Variants in PEPD observed in about 807,000 individuals in gnomAD.
PEPD encodes peptidase D.
A neutral mutation model predicts 60.7 loss-of-function variants in PEPD; 53 were observed. That is an observed-to-expected ratio of 0.87 (90% CI 0.70 to 1.10). PEPD has a LOEUF of 1.10. Ranked by LOEUF, PEPD falls within the 50% of genes least tolerant of loss-of-function variation. The pLI, the probability that PEPD is intolerant of heterozygous loss-of-function variation, is 0.00. For synonymous variants in PEPD, 267 were observed against 284.1 expected, an observed-to-expected ratio of 0.94 and a Z score of 0.60; for missense variants, 711 against 711.9, an observed-to-expected ratio of 1.00 and a Z score of 0.01.
intron 9 of PEPD, among the ~76,000 whole-genome samples, chr19:33,451,250 T>C (rs1050837425): frequency 2.6e-5 from 4 of 152,254 alleles, no homozygotes; most frequent in African/African-American, 9.6e-5. Flanking sequence ...AGCCCCACTT[T>C]AGGGCTTGCC....
intron 11 of PEPD, among the ~76,000 whole-genome samples, chr19:33,408,288 C>T (rs1343516946): frequency 6.6e-6 from 1 of 152,256 alleles, no homozygotes; most frequent in Non-Finnish European, 1.5e-5. Flanking sequence ...TGCTGCAGAA[C>T]CAGCTGCTGG....
At chr19:33,472,233 C>A (rs1425973525) in intron 7 of PEPD, among the ~76,000 whole-genome samples, 1 of 151,552 alleles carries the variant, frequency 6.6e-6, no homozygotes, top group African/African-American at 2.4e-5. Context: ...GAGGCTGAGG[C>A]GGGAGGATGA....
At chr19:33,503,426 T>A (rs1970746397) in intron 3 of PEPD, among the ~76,000 whole-genome samples, 1 of 152,186 alleles carries the variant, frequency 6.6e-6, no homozygotes, top group Non-Finnish European at 1.5e-5. Context: ...ACTCAAAAGT[T>A]AAATGGCCAA....
chr19:33,502,935 T>C (rs1045532810), intron 3 of PEPD, among the ~76,000 whole-genome samples: 1 of 74,558 alleles, frequency 1.3e-5, no homozygotes, highest in African/African-American at 5.2e-5. Context: ...CAAGACCCTC[T>C]ACGGATAACT....
At chr19:33,486,610 T>C (rs971194944) in intron 6 of PEPD, among the ~76,000 whole-genome samples, 18 of 151,846 alleles carry the variant, frequency 1.2e-4, no homozygotes, top group Non-Finnish European at 2.9e-5. Flanking sequence ...TCCCCACACC[T>C]CGAGACCCCA....
chr19:33,467,430 C>T (rs145951609), intron 7 of PEPD, among the ~76,000 whole-genome samples: 2,309 of 151,912 alleles, frequency 0.015, 15 homozygotes, highest in Middle Eastern at 0.027. Context: ...GGAAATATTA[C>T]AAACCCTAAC....
intron 9 of PEPD, among the ~76,000 whole-genome samples, chr19:33,428,055 A>G (rs755651098): frequency 6.6e-6 from 1 of 152,178 alleles, no homozygotes; most frequent in East Asian, 1.9e-4. Context: ...GCTTGAAGAC[A>G]GAAGTGGTCG....
intron 11 of PEPD, among the ~76,000 whole-genome samples, chr19:33,402,612 C>G (rs1968524803): frequency 6.6e-6 from 1 of 152,220 alleles, no homozygotes; most frequent in Admixed American, 6.5e-5. Context: ...CAGACAGCCT[C>G]ATGTCCAGCA....
At chr19:33,399,471 C>A (rs955336172) in intron 12 of PEPD, among the ~76,000 whole-genome samples, 4 of 152,182 alleles carry the variant, frequency 2.6e-5, no homozygotes. Flanking sequence ...AAGCTCTGTT[C>A]CTGTTGGATG....
intron 13 of PEPD, 138 bp from the exon 14 acceptor site, chr19:33,388,219 C>T (rs1160793722): frequency 1.3e-6 from 1 of 764,172 alleles, no homozygotes; most frequent in Non-Finnish European, 2.3e-6. Flanking sequence ...CTAGACTCGC[C>T]CCTGCTGTGC....
intron 9 of PEPD, among the ~76,000 whole-genome samples, chr19:33,421,014 G>A (rs991635425): frequency 6.6e-5 from 10 of 152,238 alleles, no homozygotes; most frequent in Non-Finnish European, 4.4e-5. Flanking sequence ...GACCCGTCTA[G>A]GTGGGCAGCA....
chr19:33,463,823 C>T (rs548111748), intron 8 of PEPD, among the ~76,000 whole-genome samples, 164 bp downstream of exon 8: 1 of 152,324 alleles, frequency 6.6e-6, no homozygotes, highest in East Asian at 1.9e-4. Context: ...TGCCCTGTGC[C>T]CACCAGGGAA....
chr19:33,504,615 A>G (rs1350209231), intron 3 of PEPD, among the ~76,000 whole-genome samples: 1 of 152,052 alleles, frequency 6.6e-6, no homozygotes, highest in East Asian at 1.9e-4. Flanking sequence ...AATACAAAAA[A>G]ATTAGCTGGG....
At chr19:33,421,835 C>G (rs117352116) in intron 9 of PEPD, among the ~76,000 whole-genome samples, 4 of 152,098 alleles carry the variant, frequency 2.6e-5, no homozygotes, top group African/African-American at 4.8e-5. Context: ...CAGAATCTGA[C>G]CACTTCTCCG....
At chr19:33,388,763 G>A (rs1043861997) in intron 13 of PEPD, 4 of 163,590 alleles carry the variant, frequency 2.4e-5, no homozygotes, top group African/African-American at 9.6e-5. Context: ...CTGAGGGACA[G>A]TGGTAGAGCC....
chr19:33,458,637 G>T (rs1308915397), intron 9 of PEPD, among the ~76,000 whole-genome samples: 1 of 145,038 alleles, frequency 6.9e-6, no homozygotes, highest in African/African-American at 2.6e-5. Flanking sequence ...TGTGTGGCGT[G>T]TGTGTTGTGT....
chr19:33,510,374 G>A (rs982726863), intron 3 of PEPD, among the ~76,000 whole-genome samples: 2 of 152,214 alleles, frequency 1.3e-5, no homozygotes, highest in Non-Finnish European at 2.9e-5. Flanking sequence ...GGGCTCCAAA[G>A]CCAAAAGAGG....
chr19:33,422,096 G>C (rs1969032341), intron 9 of PEPD, among the ~76,000 whole-genome samples: 1 of 152,014 alleles, frequency 6.6e-6, no homozygotes. Context: ...GTCTTGTCTT[G>C]TCTTCTTAGT....
At chr19:33,433,612 C>G (rs1241936003) in intron 9 of PEPD, among the ~76,000 whole-genome samples, 1 of 152,200 alleles carries the variant, frequency 6.6e-6, no homozygotes, top group Non-Finnish European at 1.5e-5. Flanking sequence ...CATTAAGAAG[C>G]GCTGTCCCTT....
Sources: gnomAD v4.1 joint callset for allele counts (sites outside exome capture counted in the v4.1 genomes callset) on GRCh38, gnomAD v4.1.1 for gene constraint, MANE v1.5 for transcripts, NCBI Gene and HGNC (gene_info 2026-07-23, HGNC 2026-07-21) for gene names.